ZNF516: variants seen among roughly 807,000 people sequenced by gnomAD.
The protein encoded by ZNF516 is zinc finger protein 516.
A neutral mutation model predicts 79.7 loss-of-function variants in ZNF516; 19 were observed. That is an observed-to-expected ratio of 0.24 (90% CI 0.17 to 0.35). The LOEUF (loss-of-function observed/expected upper bound fraction) is 0.35, where lower values mean the gene tolerates loss of function less well. Among genes scored for constraint, ZNF516 ranks in the 10% least tolerant of loss-of-function variants. ZNF516 has a pLI of 1.00. For synonymous variants in ZNF516, 877 were observed against 739.5 expected (o/e 1.19, Z -3.02); for missense variants, 1,678 against 1,679.5 (o/e 1.00, Z 0.02).
intron 3 of ZNF516, among the ~76,000 whole-genome samples, chr18:76,397,533 AAAC>A (rs1363478439): frequency 1.3e-5 from 2 of 152,252 alleles, no homozygotes; most frequent in African/African-American, 4.8e-5. Flanking sequence ...CTACTAACAT[AAAC>A]AACTTGCGAA....
intron 3 of ZNF516, among the ~76,000 whole-genome samples, chr18:76,414,386 C>A (rs539552880): frequency 5.6e-4 from 86 of 152,306 alleles, no homozygotes; most frequent in Non-Finnish European, 1.1e-3. Context: ...GGGTTTTCAT[C>A]CCTAAAATGT....
At chr18:76,431,083 T>G (rs1346465652) in intron 3 of ZNF516, among the ~76,000 whole-genome samples, 3 of 152,174 alleles carry the variant, frequency 2.0e-5, no homozygotes, top group African/African-American at 7.2e-5. Context: ...ATGCAAAGGC[T>G]TATGCAAATT....
intron 2 of ZNF516, among the ~76,000 whole-genome samples, chr18:76,452,719 C>T (rs1226510987): frequency 6.6e-6 from 1 of 152,184 alleles, no homozygotes. Flanking sequence ...AATATATTCT[C>T]GAAGTCCCTT....
At chr18:76,472,589 C>T (rs1913911733) in intron 1 of ZNF516, among the ~76,000 whole-genome samples, 1 of 152,264 alleles carries the variant, frequency 6.6e-6, no homozygotes, top group African/African-American at 2.4e-5. Context: ...TTCCTTAGCT[C>T]TCCTGGGCTC....
intron 3 of ZNF516, among the ~76,000 whole-genome samples, chr18:76,431,327 T>C (rs1281770972): frequency 3.9e-5 from 6 of 152,176 alleles, no homozygotes; most frequent in Admixed American, 1.3e-4. Flanking sequence ...AGTCTAAACT[T>C]ATGAAATAAT....
intron 3 of ZNF516, among the ~76,000 whole-genome samples, chr18:76,399,689 C>T (rs747983351): frequency 2.6e-5 from 4 of 152,174 alleles, no homozygotes; most frequent in Non-Finnish European, 5.9e-5. Context: ...CCTCTAGACT[C>T]GAGGTCCACA....
At chr18:76,398,011 TTAAAGG>T (rs1455637540) in intron 3 of ZNF516, among the ~76,000 whole-genome samples, 4 of 152,220 alleles carry the variant, frequency 2.6e-5, no homozygotes, top group Non-Finnish European at 5.9e-5. Flanking sequence ...AATCAACAAC[TTAAAGG>T]TTAATCAAAT....
rs936265345 is a variant in ZNF516 at position 76,441,748 on chromosome 18, T to C, written c.1307A>G (p.Tyr436Cys). The C allele has an allele frequency of 1.3e-6, 2 of 1,571,740 alleles. No individual in the cohort carries two copies. The highest frequency in any genetic ancestry group is 1.7e-6 in the Non-Finnish European group (2 of 1,164,518). The change falls in exon 3 of 7, where the codon TAC becomes TGC. Residue 436 changes from tyrosine (Y) to cysteine (C), a missense_variant. Transcript: ENST00000443185. ...KVAEPAEYLK[Y>C]GAWDEALAGD... ...GGCCAGCGCCTCGTCCCAGGCCCCG[T>C]ACTTGAGGTACTCGGCCGGCTCGGC...
intron 3 of ZNF516, among the ~76,000 whole-genome samples, chr18:76,396,083 G>C (rs1003581276): frequency 6.6e-6 from 1 of 152,204 alleles, no homozygotes; most frequent in African/African-American, 2.4e-5. Context: ...TGATGGCCTC[G>C]AATGGTAGAT....
In ZNF516 at chr18:76,370,644, C is replaced by A. The variant is rs767255816; in HGVS notation, c.3365-49G>T. ...ACAGATCAGCGTGTGAGCTTCCGGA[C>A]GTGCACATTAAATGAGTCCATTACA... On this transcript the variant is annotated intron_variant, in intron 5 of 6. Transcript: ENST00000443185. 3.3e-6 allele frequency: 5 copies of A among 1,494,328 alleles called. No homozygotes were observed. In the Admixed American group the frequency reaches 8.7e-5, roughly 26 times the overall value. 92.6% of individuals were successfully genotyped at this position (1,494,328 alleles called of 1,614,324 possible).
At chr18:76,490,420 GAACA>G (rs1323044920) in intron 1 of ZNF516, among the ~76,000 whole-genome samples, 2 of 152,208 alleles carry the variant, frequency 1.3e-5, no homozygotes, top group Non-Finnish European at 1.5e-5. Flanking sequence ...AATGAAGCTG[GAACA>G]AATGATAAAA....
Position 76,493,714 on chromosome 18 carries a change from C to G in ZNF516, c.-272+1430G>C, listed in dbSNP as rs1915363463. ...CACACTCCCCCTCCAGTTTCTTCCC[C>G]TGCAATGATTTCAAAGACATTAAAT... is the stretch of plus-strand genomic sequence containing the variant. On this transcript the variant is annotated intron_variant, in intron 1 of 6. Coordinates refer to ENST00000443185, the MANE Select transcript of ZNF516 (RefSeq NM_014643.4). This position sits in a 1 kb window ranked among gnomAD's most constrained non-coding sequence, Gnocchi z 5.2. 1 of 152,256 alleles carries G rather than the reference C, an allele frequency of 6.6e-6. No homozygotes were observed. Among genetic ancestry groups the G allele is most frequent in the South Asian group, 2.1e-4 (1 of 4,830 alleles). 9.4% of individuals were successfully genotyped at this position (152,256 alleles called of 1,614,324 possible).
intron 6 of ZNF516, among the ~76,000 whole-genome samples, chr18:76,367,943 G>A (rs1000394419): frequency 6.6e-6 from 1 of 152,018 alleles, no homozygotes; most frequent in Non-Finnish European, 1.5e-5. Context: ...AATAATTTCT[G>A]CATGAATACA....
chr18:76,466,615 G>A (rs1913488001), intron 1 of ZNF516, among the ~76,000 whole-genome samples: 2 of 152,238 alleles, frequency 1.3e-5, no homozygotes, highest in South Asian at 4.1e-4. Flanking sequence ...AAGGAGAAAG[G>A]CACTCTGTGG....
intron 6 of ZNF516, among the ~76,000 whole-genome samples, chr18:76,366,668 A>G (rs542918959): frequency 1.3e-5 from 2 of 152,358 alleles, no homozygotes; most frequent in African/African-American, 4.8e-5. Flanking sequence ...GTGTGTGCTC[A>G]CCACAGAAAG....
At chr18:76,480,970 G>A (rs1914491386) in intron 1 of ZNF516, among the ~76,000 whole-genome samples, 1 of 152,232 alleles carries the variant, frequency 6.6e-6, no homozygotes, top group Non-Finnish European at 1.5e-5. Context: ...CTCAAGCTGT[G>A]AGGCAGGTCT....
intron 1 of ZNF516, among the ~76,000 whole-genome samples, chr18:76,494,111 T>C (rs527389381): frequency 2.0e-5 from 3 of 152,282 alleles, no homozygotes; most frequent in Admixed American, 2.0e-4. Flanking sequence ...GGTCCCTAAT[T>C]GCGGGGGTCC....
Position 76,474,759 on chromosome 18 carries a change from GC to G in ZNF516, c.-271-11619del, listed in dbSNP as rs1358435529. ...AATGAATGAGATAAATAACTAGCTGGCCTAATCAAGAAGAAAAAAGAGGTTG... is the reference window on the plus strand; with the variant it reads ...AATGAATGAGATAAATAACTAGCTGGCTAATCAAGAAGAAAAAAGAGGTTG... On this transcript the variant is annotated intron_variant, in intron 1 of 6. Transcript: ENST00000443185. Among the ~76,000 whole-genome samples the G allele has an allele frequency of 2.0e-5, 3 of 152,018 alleles. No individual in the cohort carries two copies. The East Asian group carries it at 5.8e-4, about 29-fold the overall frequency.
At chr18:76,402,174 C>A (rs1404970782) in intron 3 of ZNF516, among the ~76,000 whole-genome samples, 1 of 152,198 alleles carries the variant, frequency 6.6e-6, no homozygotes, top group East Asian at 1.9e-4. Context: ...CCAATGAATT[C>A]ATTTACTCTG....
Sources: gnomAD v4.1 joint callset for allele counts (sites outside exome capture counted in the v4.1 genomes callset) on GRCh38, gnomAD v4.1.1 for gene constraint, Gnocchi (gnomAD v3.1) non-coding constraint, MANE v1.5 for transcripts, NCBI Gene and HGNC (gene_info 2026-07-23, HGNC 2026-07-21) for gene names.